Variants in DOCK10 observed in about 807,000 individuals in gnomAD.
DOCK10 encodes dedicator of cytokinesis protein 10.
Under a neutral mutation model 280.1 loss-of-function variants are expected in DOCK10, and 145 were observed. That is an observed-to-expected ratio of 0.52 (90% confidence interval 0.45 to 0.59). The LOEUF is 0.59. Among genes scored for constraint, DOCK10 ranks in the 20% least tolerant of loss-of-function variants. The probability of loss-of-function intolerance (pLI) is 0.00; values close to 1 mark genes in which losing one functional copy is unlikely to be tolerated. For missense variants in DOCK10, 2,368 were observed against 2,651.7 expected (o/e 0.89, Z 2.35); for synonymous variants, 915 against 942.2 (o/e 0.97, Z 0.53).
chr2:224,806,086 T>A, intron 34 of DOCK10, 40 bp downstream of exon 34: 2 of 1,171,162 alleles, frequency 1.7e-6, no homozygotes, highest in Non-Finnish European at 2.5e-6. Context: ...TAAAGGTGGA[T>A]GAGTGTTAAA....
chr2:225,035,586 AT>A (rs1232622695), intron 1 of DOCK10, among the ~76,000 whole-genome samples: 54 of 111,612 alleles, frequency 4.8e-4, no homozygotes, highest in Middle Eastern at 4.1e-3. Flanking sequence ...ATATATATAT[AT>A]AACACTGAAT....
At chr2:224,977,811 C>T (rs1705524795) in intron 1 of DOCK10, among the ~76,000 whole-genome samples, 1 of 152,182 alleles carries the variant, frequency 6.6e-6, no homozygotes, top group East Asian at 1.9e-4. Flanking sequence ...ACTATATAGG[C>T]TAGACTACAA....
At chr2:225,008,819 C>A (rs1383094008) in intron 1 of DOCK10, among the ~76,000 whole-genome samples, 3 of 152,188 alleles carry the variant, frequency 2.0e-5, no homozygotes, top group Admixed American at 1.3e-4. Flanking sequence ...CACTATCTGC[C>A]CATAATATCC....
intron 7 of DOCK10, among the ~76,000 whole-genome samples, chr2:224,879,159 G>T (rs1413405012): frequency 1.3e-5 from 2 of 152,198 alleles, no homozygotes; most frequent in Non-Finnish European, 2.9e-5. Context: ...TAAACAAAGT[G>T]GAGGGTACTC....
In DOCK10 at chr2:224,845,680, A is replaced by G. The variant is rs750822815; in HGVS notation, c.2236-38T>C. ...AAACCATAGTTGGACTGAGATTAAA[A>G]TCATTTGCTCAATATCAGAGCAAGA... On this transcript the variant is annotated intron_variant, in intron 19 of 55. Coordinates refer to ENST00000258390, the MANE Select transcript of DOCK10 (RefSeq NM_014689.3). The G allele has an allele frequency of 5.0e-6, 8 of 1,584,184 alleles. No individual in the cohort carries two copies. In the African/African-American group the frequency reaches 9.6e-5, roughly 19 times the overall value.
chr2:224,927,928 G>T (rs1702124542), intron 2 of DOCK10, among the ~76,000 whole-genome samples: 1 of 152,126 alleles, frequency 6.6e-6, no homozygotes, highest in Non-Finnish European at 1.5e-5. Flanking sequence ...GGGGTGGGAA[G>T]CTTGGAGCGG....
intron 51 of DOCK10, among the ~76,000 whole-genome samples, chr2:224,776,161 C>A (rs1360771098): frequency 6.6e-6 from 1 of 152,068 alleles, no homozygotes; most frequent in African/African-American, 2.4e-5. Context: ...TCTAATGAAA[C>A]CTCAAAGAAT....
At chr2:224,883,702 C>G (rs574438875) in intron 7 of DOCK10, among the ~76,000 whole-genome samples, 2 of 152,256 alleles carry the variant, frequency 1.3e-5, no homozygotes, top group South Asian at 4.1e-4. Context: ...CTTCAATACT[C>G]CTTTTTTTCC....
At chr2:224,933,365 C>T (rs150492422) in intron 1 of DOCK10, among the ~76,000 whole-genome samples, 2,778 of 152,228 alleles carry the variant, frequency 0.018, 35 homozygotes, top group Non-Finnish European at 0.028. Context: ...TGGTTTGCCA[C>T]CCACATTTAT....
At chr2:224,974,362 C>T (rs1705281015) in intron 1 of DOCK10, among the ~76,000 whole-genome samples, 1 of 152,124 alleles carries the variant, frequency 6.6e-6, no homozygotes, top group Non-Finnish European at 1.5e-5. Context: ...AGCTTTAGCC[C>T]CTATCAGAGT....
chr2:225,029,635 C>T (rs527242673), intron 1 of DOCK10, among the ~76,000 whole-genome samples: 1 of 152,204 alleles, frequency 6.6e-6, no homozygotes, highest in South Asian at 2.1e-4. Flanking sequence ...ACAGAATATA[C>T]CTTAAATCAC....
At chr2:224,999,228 C>CTT (rs1211772622) in intron 1 of DOCK10, among the ~76,000 whole-genome samples, 22 of 149,628 alleles carry the variant, frequency 1.5e-4, no homozygotes, top group Non-Finnish European at 3.1e-4. Context: ...GTCTTTCTCT[C>CTT]TCTCTTTCTC....
At chr2:224,896,718 C>CA (rs903570576) in intron 3 of DOCK10, among the ~76,000 whole-genome samples, 8 of 150,388 alleles carry the variant, frequency 5.3e-5, no homozygotes, top group Admixed American at 4.6e-4. Flanking sequence ...CTTCGTCTCA[C>CA]AAAAAAAAGA....
At position 224,774,919 on chromosome 2, in the gene DOCK10, C is replaced by T. The variant is rs765539185; in HGVS notation, c.5999G>A (p.Arg2000Gln). The change falls in exon 52 of 56, where the codon CGG (arginine) becomes CAG (glutamine). Residue 2000 changes from arginine to glutamine, a missense_variant. Coordinates refer to ENST00000258390, the MANE Select transcript of DOCK10 (RefSeq NM_014689.3). ...CCTGCACCTACTTGTCAGGATCGTC[C>T]GCCGCTTGCACTGCTCCGCCACCCC... ...HGGVAEQCKR[R>Q]TILTTSHLFP... 9.8e-5 allele frequency: 156 copies of T among 1,595,818 alleles called. No homozygotes were observed. In the East Asian group the frequency reaches 1.2e-3, roughly 12 times the overall value.
intron 1 of DOCK10, chr2:224,982,410 C>T (rs1705798070): frequency 3.2e-6 from 4 of 1,231,268 alleles, no homozygotes; most frequent in East Asian, 3.2e-5. Flanking sequence ...TATGTTGATG[C>T]TATGTTTGCA....
chr2:225,026,328 A>C (rs1471061830), intron 1 of DOCK10, among the ~76,000 whole-genome samples: 1 of 152,232 alleles, frequency 6.6e-6, no homozygotes, highest in African/African-American at 2.4e-5. Context: ...CTGTGTGTTC[A>C]CAAGATGCAG....
chr2:225,013,557 C>T (rs1010153051), intron 1 of DOCK10, among the ~76,000 whole-genome samples: 8 of 152,088 alleles, frequency 5.3e-5, no homozygotes, highest in African/African-American at 1.7e-4. Context: ...TCACTCCAAC[C>T]AAAGTGAAGT....
intron 31 of DOCK10, among the ~76,000 whole-genome samples, chr2:224,813,128 G>T (rs942019795): frequency 1.3e-5 from 2 of 152,148 alleles, no homozygotes; most frequent in African/African-American, 4.8e-5. Flanking sequence ...TGAGGTGTTA[G>T]CTTGATTGTA....
Position 224,931,628 on chromosome 2 carries a change from G to A in DOCK10, c.164C>T (p.Thr55Ile). The change falls in exon 2 of 56, where the codon ACT (threonine) becomes ATT (isoleucine). Residue 55 changes from threonine (T) to isoleucine (I), a missense_variant. Physicochemically the swap from Thr to Ile is moderately conservative, Grantham distance 89. Transcript: ENST00000258390. ...GGTCTTTTCAAGTTCTTCAATGACA[G>A]TCTCATAATCCAAAGGCTCGAGAAG... ...PRLLEPLDYE[T>I]VIEELEKTYR... The A allele has an allele frequency of 6.2e-7, 1 of 1,611,196 alleles. No individual in the cohort carries two copies. Among genetic ancestry groups the A allele is most frequent in the Non-Finnish European group, 8.5e-7 (1 of 1,178,648 alleles).
Sources: gnomAD v4.1 joint callset for allele counts (sites outside exome capture counted in the v4.1 genomes callset) on GRCh38, gnomAD v4.1.1 for gene constraint, MANE v1.5 for transcripts, NCBI Gene and HGNC (gene_info 2026-07-23, HGNC 2026-07-21) for gene names.